Variants in AZIN2 observed in about 807,000 individuals in gnomAD.
AZIN2 encodes the protein antizyme inhibitor 2.
A neutral mutation model predicts 47.8 loss-of-function variants in AZIN2; 28 were observed. That is an observed-to-expected ratio of 0.59 (90% confidence interval 0.43 to 0.80). AZIN2 has a LOEUF of 0.80. Ranked by LOEUF, AZIN2 falls within the 30% of genes least tolerant of loss-of-function variation. AZIN2 has a pLI of 0.00. For synonymous variants in AZIN2, 221 were observed against 239.4 expected, an observed-to-expected ratio of 0.92 and a Z score of 0.71; for missense variants, 535 against 582.5, an observed-to-expected ratio of 0.92 and a Z score of 0.84.
intron 5 of AZIN2, among the ~76,000 whole-genome samples, chr1:33,089,041 A>G (rs1174216502): frequency 6.6e-6 from 1 of 152,178 alleles, no homozygotes; most frequent in Non-Finnish European, 1.5e-5. Flanking sequence ...TAGATGCTCA[A>G]AAATACCCGT....
At chr1:33,136,232 T>A in the AZIN2 span, among the ~76,000 whole-genome samples, 1 of 150,920 alleles carries the variant, frequency 6.6e-6, no homozygotes. Flanking sequence ...CCTTTCTTTC[T>A]CTTTCTTTTC....
the AZIN2 span, among the ~76,000 whole-genome samples, chr1:33,144,434 G>C: frequency 6.6e-6 from 1 of 152,158 alleles, no homozygotes. Context: ...CACTGCGCCC[G>C]GTGGCTTTAA....
chr1:33,137,445 A>C, the AZIN2 span, among the ~76,000 whole-genome samples: 1 of 152,222 alleles, frequency 6.6e-6, no homozygotes, highest in African/African-American at 2.4e-5. Flanking sequence ...AATTGGATTC[A>C]ACTAATCATG....
rs571533634 is a variant in AZIN2 at position 33,102,179 on chromosome 1, G to A, written c.1029+4000G>A. ...CTCCAGCATGGAGTATTGCCAGACTGAAAACATTTTCCCAGTGGAATGGAT... is the reference window on the plus strand; with the variant it reads ...CTCCAGCATGGAGTATTGCCAGACTAAAAACATTTTCCCAGTGGAATGGAT... On this transcript the variant is annotated intron_variant, in intron 10 of 11. Transcript: ENST00000294517. Among the ~76,000 whole-genome samples the A allele has an allele frequency of 3.2e-4, 48 of 152,308 alleles. 1 individual carries two copies. Among genetic ancestry groups the A allele is most frequent in the Admixed American group, 1.4e-3 (22 of 15,294 alleles).
the AZIN2 span, among the ~76,000 whole-genome samples, chr1:33,158,984 G>T: frequency 1.3e-5 from 2 of 152,186 alleles, no homozygotes; most frequent in African/African-American, 4.8e-5. Context: ...GGGACTACAG[G>T]TGCCTGCCAC....
At chr1:33,119,104 T>G (rs1644697805) in intron 11 of AZIN2, 1 of 152,328 alleles carries the variant, frequency 6.6e-6, no homozygotes, top group Non-Finnish European at 1.5e-5. Flanking sequence ...ACCTGAAGGC[T>G]AAGGAGGAAT....
At chr1:33,134,060 T>A in the AZIN2 span, among the ~76,000 whole-genome samples, 1 of 152,194 alleles carries the variant, frequency 6.6e-6, no homozygotes, top group Non-Finnish European at 1.5e-5. Flanking sequence ...GAGGCAGGAT[T>A]TGAACCCAGA....
At chr1:33,089,982 C>T (rs371678495) in intron 5 of AZIN2, among the ~76,000 whole-genome samples, 15 of 152,300 alleles carry the variant, frequency 9.8e-5, no homozygotes, top group East Asian at 5.8e-4. Flanking sequence ...TTCTGAGCAT[C>T]AGTTTCCTTC....
At chr1:33,156,414 T>C in the AZIN2 span, among the ~76,000 whole-genome samples, 1 of 152,224 alleles carries the variant, frequency 6.6e-6, no homozygotes, top group East Asian at 1.9e-4. Flanking sequence ...AATAGTCTCT[T>C]CTGGGTTCTC....
chr1:33,147,736 G>A, the AZIN2 span: 20 of 1,604,608 alleles, frequency 1.2e-5, no homozygotes, highest in Middle Eastern at 1.7e-4. The surrounding 1 kb of genome is among the most constrained non-coding windows in gnomAD (Gnocchi z 8.1). Context: ...CACTGTGGGG[G>A]TTGGAGGAGG....
the AZIN2 span, among the ~76,000 whole-genome samples, chr1:33,137,319 T>A: frequency 9.9e-5 from 15 of 152,170 alleles, no homozygotes; most frequent in African/African-American, 3.6e-4. Context: ...TGTGTTCTTA[T>A]CAGTAAAAAG....
At chr1:33,163,672 A>G in the AZIN2 span, 1 of 152,394 alleles carries the variant, frequency 6.6e-6, no homozygotes, top group Non-Finnish European at 1.5e-5. Context: ...CACCCTGCCA[A>G]GAATGCATCA....
At chr1:33,158,574 T>TGCTA in the AZIN2 span, among the ~76,000 whole-genome samples, 24 of 152,238 alleles carry the variant, frequency 1.6e-4, no homozygotes, top group African/African-American at 5.8e-4. Flanking sequence ...ATGGGTGCTA[T>TGCTA]GCTAGCATCA....
intron 10 of AZIN2, among the ~76,000 whole-genome samples, chr1:33,099,054 C>CA (rs1364542628): frequency 2.0e-5 from 3 of 152,160 alleles, no homozygotes; most frequent in Non-Finnish European, 4.4e-5. Context: ...CACGAGCCAC[C>CA]ATGCCTGGCC....
At chr1:33,100,300 G>A (rs1643572117) in intron 10 of AZIN2, among the ~76,000 whole-genome samples, 2 of 146,378 alleles carry the variant, frequency 1.4e-5, no homozygotes, top group African/African-American at 2.6e-5. Context: ...CAGCCTGGGC[G>A]ACAGAGTAAG....
rs1644810671 is a variant in AZIN2, at chr1:33,122,347, C to T, written c.*2165C>T. Reference sequence around the variant, plus strand: ...TCATGGAGTTTGGATGGATTTCTCACTGGAGCCTTTCTAGTGTTTCATGTT... The same window carrying T: ...TCATGGAGTTTGGATGGATTTCTCATTGGAGCCTTTCTAGTGTTTCATGTT... On this transcript the variant is annotated 3_prime_UTR_variant, in exon 12 of 12. Coordinates refer to ENST00000294517, the MANE Select transcript of AZIN2 (RefSeq NM_052998.4). Among the ~76,000 whole-genome samples the T allele has an allele frequency of 6.6e-6, 1 of 152,216 alleles. No homozygotes were observed.
chr1:33,159,776 C>T, the AZIN2 span: 3 of 1,613,666 alleles, frequency 1.9e-6, no homozygotes, highest in African/African-American at 1.3e-5. The surrounding 1 kb of genome is among the most constrained non-coding windows in gnomAD (Gnocchi z 4.2). Context: ...CCCTCCTGGA[C>T]CTTGCGCAGC....
intron 5 of AZIN2, among the ~76,000 whole-genome samples, chr1:33,084,599 A>AT (rs1276984665): frequency 6.6e-6 from 1 of 151,294 alleles, no homozygotes; most frequent in Non-Finnish European, 1.5e-5. Flanking sequence ...CTTTAGATTT[A>AT]TTTTTTTCAT....
In AZIN2 at chr1:33,084,682, C is replaced by T. The variant is rs796107966; in HGVS notation, c.279+555C>T. Among the ~76,000 whole-genome samples, 15 of 152,140 alleles carry T rather than the reference C, an allele frequency of 9.9e-5. No homozygotes were observed. In the South Asian group the frequency reaches 1.9e-3, roughly 19 times the overall value. ...TGCCATCTTGGCTCACTGCAACCTT[C>T]GCCTCCCGGGTTCAAGTGATTCTCC... On this transcript the variant is annotated intron_variant, in intron 5 of 11. Coordinates refer to ENST00000294517, the MANE Select transcript of AZIN2 (RefSeq NM_052998.4).
Sources: gnomAD v4.1 joint callset for allele counts (sites outside exome capture counted in the v4.1 genomes callset) on GRCh38, gnomAD v4.1.1 for gene constraint, Gnocchi (gnomAD v3.1) non-coding constraint, MANE v1.5 for transcripts, NCBI Gene and HGNC (gene_info 2026-07-23, HGNC 2026-07-21) for gene names.